Variants in DSCAM observed in about 807,000 individuals in gnomAD.
DSCAM encodes the protein DS cell adhesion molecule.
A neutral mutation model predicts 217.7 loss-of-function variants in DSCAM; 47 were observed. That is an observed-to-expected ratio of 0.22 (90% CI 0.17 to 0.28). The LOEUF (loss-of-function observed/expected upper bound fraction) is 0.28, where lower values mean the gene tolerates loss of function less well. Among genes scored for constraint, DSCAM ranks in the 10% least tolerant of loss-of-function variants. DSCAM has a pLI of 1.00. For synonymous variants in DSCAM, 1,056 were observed against 1,015.3 expected, an observed-to-expected ratio of 1.04 and a Z score of -0.76; for missense variants, 2,080 against 2,618.3, an observed-to-expected ratio of 0.79 and a Z score of 4.49.
At chr21:40,824,477 A>G (rs2091952805) in intron 1 of DSCAM, among the ~76,000 whole-genome samples, 1 of 146,604 alleles carries the variant, frequency 6.8e-6, no homozygotes, top group East Asian at 2.0e-4. Context: ...TGGCACAAAC[A>G]TGGTTTTCTG....
At chr21:40,107,396 G>A (rs114954949) in intron 20 of DSCAM, among the ~76,000 whole-genome samples, 2,791 of 152,214 alleles carry the variant, frequency 0.018, 81 homozygotes, top group African/African-American at 0.057. Flanking sequence ...TGATTAATAT[G>A]ATCAATTTTA....
chr21:40,676,611 G>T (rs1290580365), intron 3 of DSCAM, among the ~76,000 whole-genome samples: 2 of 152,148 alleles, frequency 1.3e-5, no homozygotes, highest in Non-Finnish European at 1.5e-5. Flanking sequence ...AAGGAATAGA[G>T]TAGATTCAGC....
chr21:40,488,797 C>G (rs1323177739), intron 3 of DSCAM, among the ~76,000 whole-genome samples: 1 of 152,140 alleles, frequency 6.6e-6, no homozygotes, highest in Non-Finnish European at 1.5e-5. Context: ...GGCTTCATTT[C>G]CAGAATCACC....
intron 1 of DSCAM, among the ~76,000 whole-genome samples, chr21:40,768,753 G>T (rs1001074856): frequency 6.6e-6 from 1 of 152,178 alleles, no homozygotes; most frequent in Non-Finnish European, 1.5e-5. Context: ...GCTTCCCAAA[G>T]CTTGCGTTGA....
chr21:40,058,414 T>C (rs2089063016), intron 28 of DSCAM, among the ~76,000 whole-genome samples: 1 of 152,170 alleles, frequency 6.6e-6, no homozygotes, highest in Non-Finnish European at 1.5e-5. Flanking sequence ...CTTAGTTGAT[T>C]TATCTTATCC....
intron 3 of DSCAM, among the ~76,000 whole-genome samples, chr21:40,496,055 T>G (rs1258033982): frequency 1.3e-5 from 2 of 152,212 alleles, no homozygotes; most frequent in African/African-American, 4.8e-5. Context: ...AAATATTCTA[T>G]GTTTATGGAT....
intron 30 of DSCAM, among the ~76,000 whole-genome samples, chr21:40,046,834 C>T (rs561317538): frequency 1.3e-5 from 2 of 151,886 alleles, no homozygotes; most frequent in African/African-American, 4.8e-5. Flanking sequence ...TTCCTCCAAT[C>T]CCCCAAACCT....
At chr21:40,403,994 G>A (rs984216632) in intron 3 of DSCAM, among the ~76,000 whole-genome samples, 4 of 152,142 alleles carry the variant, frequency 2.6e-5, no homozygotes, top group African/African-American at 9.7e-5. Context: ...TCAGCATTGT[G>A]CCAAGAAACT....
intron 16 of DSCAM, among the ~76,000 whole-genome samples, chr21:40,150,794 G>A (rs190944669): frequency 1.0e-3 from 154 of 152,286 alleles, no homozygotes; most frequent in Non-Finnish European, 1.7e-3. Context: ...GTTTTCTGGG[G>A]TATAGAGAAT....
intron 3 of DSCAM, among the ~76,000 whole-genome samples, chr21:40,398,410 C>G (rs887897985): frequency 6.6e-6 from 1 of 152,132 alleles, no homozygotes; most frequent in Non-Finnish European, 1.5e-5. Flanking sequence ...ATTTCCTCTT[C>G]CTAAAATGTC....
chr21:40,359,124 C>G (rs2074729213), intron 4 of DSCAM, among the ~76,000 whole-genome samples: 1 of 152,132 alleles, frequency 6.6e-6, no homozygotes, highest in African/African-American at 2.4e-5. Context: ...AAATCACAAA[C>G]AATGCTGGTG....
intron 19 of DSCAM, among the ~76,000 whole-genome samples, chr21:40,125,418 C>T (rs1457113684): frequency 6.6e-6 from 1 of 152,182 alleles, no homozygotes; most frequent in Non-Finnish European, 1.5e-5. Context: ...GGAGGGCAAC[C>T]ACATTGATGG....
intron 32 of DSCAM, among the ~76,000 whole-genome samples, chr21:40,014,457 T>G (rs2088120852): frequency 6.6e-6 from 1 of 152,134 alleles, no homozygotes; most frequent in Non-Finnish European, 1.5e-5. Context: ...GAGCATCTGC[T>G]GCAGGAAGGG....
intron 21 of DSCAM, among the ~76,000 whole-genome samples, chr21:40,088,880 C>A (rs1278694268): frequency 2.6e-5 from 4 of 152,222 alleles, no homozygotes; most frequent in African/African-American, 9.7e-5. Context: ...ACTCCAGAAG[C>A]TACACATGCA....
Position 40,310,984 on chromosome 21 carries a change from C to A in DSCAM, c.2062+1097G>T, listed in dbSNP as rs78134618. On this transcript the variant is annotated intron_variant, in intron 9 of 32. Coordinates refer to ENST00000400454, the MANE Select transcript of DSCAM (RefSeq NM_001389.5). ...ATACAAAGTTAGTTTCTTCCTATGA[C>A]TTCTAAGTCTGTGTCACTTCCTTTT... 8.0e-3 allele frequency among the ~76,000 whole-genome samples: 1,222 copies of A among 151,948 alleles called. 16 individuals are homozygous for A. Among genetic ancestry groups the A allele is most frequent in the African/African-American group, 0.028 (1,161 of 41,414 alleles).
chr21:40,102,033 T>C (rs1275604420), intron 20 of DSCAM, among the ~76,000 whole-genome samples: 1 of 152,116 alleles, frequency 6.6e-6, no homozygotes, highest in Non-Finnish European at 1.5e-5. Flanking sequence ...TTGCAGTGTG[T>C]AGATTATAAG....
At position 40,531,850 on chromosome 21, in the gene DSCAM, G is replaced by A. The variant is rs565994939; in HGVS notation, c.508+160960C>T. ...TGATATTTGGCAGGTTCTGCATCCA[G>A]CATCCCACTCAATGCTCTGCACAGC... On this transcript the variant is annotated intron_variant, in intron 3 of 32. Transcript: ENST00000400454. Among the ~76,000 whole-genome samples the A allele has an allele frequency of 8.3e-4, 126 of 152,300 alleles. 1 individual carries two copies. In the South Asian group the frequency reaches 0.023, roughly 28 times the overall value.
intron 29 of DSCAM, among the ~76,000 whole-genome samples, 173 bp from the exon 30 acceptor site, chr21:40,052,280 A>G (rs1438432862): frequency 6.6e-6 from 1 of 152,224 alleles, no homozygotes; most frequent in Non-Finnish European, 1.5e-5. Context: ...GCATTACTCT[A>G]GAGTGCTAGG....
chr21:40,152,733 C>T (rs544346163), intron 16 of DSCAM, among the ~76,000 whole-genome samples: 15 of 152,388 alleles, frequency 9.8e-5, no homozygotes, highest in African/African-American at 3.6e-4. Flanking sequence ...CCGCCTGTGG[C>T]AGATGCATCA....
Sources: gnomAD v4.1 joint callset for allele counts (sites outside exome capture counted in the v4.1 genomes callset) on GRCh38, gnomAD v4.1.1 for gene constraint, MANE v1.5 for transcripts, NCBI Gene and HGNC (gene_info 2026-07-23, HGNC 2026-07-21) for gene names.